The following SH3BP5 variants were observed in gnomAD, a reference collection of about 807,000 sequenced individuals.
SH3BP5 encodes SH3 domain binding protein 5.
Under a neutral mutation model 43.3 loss-of-function variants are expected in SH3BP5, and 22 were observed. The ratio of observed to expected loss-of-function variants is 0.51; its 90% CI spans 0.36 to 0.73. SH3BP5 has a LOEUF of 0.73. SH3BP5 is among the 30% of genes least tolerant of loss of function. SH3BP5 has a pLI of 0.00. For synonymous variants in SH3BP5, 255 were observed against 225.8 expected, an observed-to-expected ratio of 1.13 and a Z score of -1.16; for missense variants, 529 against 586.9, an observed-to-expected ratio of 0.90 and a Z score of 1.02.
intron 2 of SH3BP5, among the ~76,000 whole-genome samples, chr3:15,325,995 A>C (rs1698452083): frequency 2.0e-5 from 3 of 152,164 alleles, no homozygotes; most frequent in Non-Finnish European, 4.4e-5. Flanking sequence ...CTCCAGCCTG[A>C]GTGACAGAGC....
upstream of SH3BP5, among the ~76,000 whole-genome samples, chr3:15,335,085 T>C (rs1464720069): frequency 6.6e-6 from 1 of 151,962 alleles, no homozygotes; most frequent in East Asian, 1.9e-4. Flanking sequence ...GAGACCAGCC[T>C]GGACAACAAA....
chr3:15,306,123 G>A (rs967948040), intron 2 of SH3BP5, among the ~76,000 whole-genome samples: 4 of 151,512 alleles, frequency 2.6e-5, no homozygotes, highest in African/African-American at 7.3e-5. Context: ...TTGGGAGGCC[G>A]AGACGGGTGG....
chr3:15,303,979 A>T, intron 3 of SH3BP5, 124 bp downstream of exon 3: 1 of 745,864 alleles, frequency 1.3e-6, no homozygotes, highest in Non-Finnish European at 2.3e-6. Context: ...GCGGTGGGTC[A>T]CTGCATTTAA....
chr3:15,293,834 T>C (rs1697482294), intron 3 of SH3BP5, among the ~76,000 whole-genome samples: 1 of 151,964 alleles, frequency 6.6e-6, no homozygotes, highest in Non-Finnish European at 1.5e-5. Context: ...TCCCAGCACT[T>C]TGGGAGGCCG....
At chr3:15,268,823 T>C (rs1696715833) in intron 4 of SH3BP5, among the ~76,000 whole-genome samples, 1 of 151,980 alleles carries the variant, frequency 6.6e-6, no homozygotes. Context: ...GTAATGAGGG[T>C]AGAACCATCA....
chr3:15,263,496 T>C (rs2125052031), intron 4 of SH3BP5, among the ~76,000 whole-genome samples: 1 of 152,320 alleles, frequency 6.6e-6, no homozygotes, highest in Admixed American at 6.5e-5. Context: ...ATTTAAGCAA[T>C]TAAATTAAAA....
intron 1 of SH3BP5, 32 bp from the exon 2 acceptor site, chr3:15,330,598 T>G (rs1263805990): frequency 6.5e-7 from 1 of 1,539,428 alleles, no homozygotes; most frequent in Non-Finnish European, 8.8e-7. Flanking sequence ...AAAAAAGACT[T>G]AAGGGATCCG....
At chr3:15,278,496 C>T (rs1419951351) in intron 3 of SH3BP5, among the ~76,000 whole-genome samples, 3 of 152,210 alleles carry the variant, frequency 2.0e-5, no homozygotes, top group East Asian at 3.8e-4. Flanking sequence ...CTGCACTCCC[C>T]CTTCAACTCC....
rs199501556 is a variant in SH3BP5, at chr3:15,304,212, C to G, written c.221G>C (p.Arg74Pro). Residue 74 changes from arginine (R) to proline (P), a missense_variant, in exon 3 of 9, where the codon CGC becomes CCC. By Grantham distance (103) the Arg-to-Pro change is moderately radical. Transcript: ENST00000383791. The stretch of plus-strand genomic sequence containing the variant: ...CACCGTTGCTTCAACCAGAACAGAG[C>G]GGAACTTCTGACGAGCATCCTGCAG... ...TELEDARQKF[R>P]SVLVEATVKL... The G allele has an allele frequency of 1.9e-6, 3 of 1,613,996 alleles. No homozygotes were observed. Among genetic ancestry groups the G allele is most frequent in the Non-Finnish European group, 2.5e-6 (3 of 1,180,026 alleles).
chr3:15,279,408 T>C (rs1014591629), intron 3 of SH3BP5, among the ~76,000 whole-genome samples: 3 of 152,194 alleles, frequency 2.0e-5, no homozygotes, highest in South Asian at 2.1e-4. Context: ...AGCTGTACCA[T>C]AGACAGACTA....
chr3:15,305,520 G>A (rs904432401), intron 2 of SH3BP5, among the ~76,000 whole-genome samples: 1 of 152,218 alleles, frequency 6.6e-6, no homozygotes, highest in Non-Finnish European at 1.5e-5. Flanking sequence ...AGTCGCCATG[G>A]AACTCAGCAG....
intron 2 of SH3BP5, among the ~76,000 whole-genome samples, chr3:15,321,095 G>A (rs1698313739): frequency 6.6e-6 from 1 of 152,162 alleles, no homozygotes; most frequent in African/African-American, 2.4e-5. Flanking sequence ...GCCACTAATA[G>A]CATTTTGCTA....
intron 2 of SH3BP5, among the ~76,000 whole-genome samples, chr3:15,306,346 G>A (rs919575576): frequency 9.9e-5 from 15 of 151,970 alleles, no homozygotes; most frequent in Middle Eastern, 6.8e-3. Context: ...GAGACAGAGC[G>A]AGACTCCGTC....
At chr3:15,264,466 G>C (rs1036397758) in intron 4 of SH3BP5, 4 of 151,998 alleles carry the variant, frequency 2.6e-5, no homozygotes, top group Admixed American at 6.6e-5. Context: ...TATTTAATGA[G>C]AGAAATAAAA....
At chr3:15,316,682 A>AT (rs1341341412) in intron 2 of SH3BP5, among the ~76,000 whole-genome samples, 3 of 151,720 alleles carry the variant, frequency 2.0e-5, no homozygotes, top group East Asian at 3.9e-4. Flanking sequence ...CCATCCTCGA[A>AT]TTTTTTTATG....
At chr3:15,328,146 C>A (rs996402847) in intron 2 of SH3BP5, among the ~76,000 whole-genome samples, 1 of 152,130 alleles carries the variant, frequency 6.6e-6, no homozygotes, top group Non-Finnish European at 1.5e-5. Context: ...TGGCCACCCC[C>A]CTCACACCCT....
intron 3 of SH3BP5, among the ~76,000 whole-genome samples, chr3:15,283,832 G>GA (rs1471341210): frequency 6.6e-6 from 1 of 152,214 alleles, no homozygotes; most frequent in Non-Finnish European, 1.5e-5. Context: ...CTGATGGAGG[G>GA]AGGATAAAGG....
intron 2 of SH3BP5, among the ~76,000 whole-genome samples, chr3:15,316,919 C>G (rs77826234): frequency 0.029 from 4,360 of 152,306 alleles, 72 homozygotes; most frequent in South Asian, 0.079. Flanking sequence ...ACTGGGGGAC[C>G]CAGTGCTTTT....
intron 2 of SH3BP5, among the ~76,000 whole-genome samples, chr3:15,313,166 C>G (rs1460164022): frequency 6.6e-6 from 1 of 152,208 alleles, no homozygotes; most frequent in Admixed American, 6.5e-5. Flanking sequence ...GAGGCTGAAG[C>G]AGGAGAATCG....
Sources: gnomAD v4.1 joint callset for allele counts (sites outside exome capture counted in the v4.1 genomes callset) on GRCh38, gnomAD v4.1.1 for gene constraint, MANE v1.5 for transcripts, NCBI Gene and HGNC (gene_info 2026-07-23, HGNC 2026-07-21) for gene names.